ATR: variants seen among roughly 807,000 people sequenced by gnomAD.
ATR encodes the protein ATR checkpoint kinase.
Under a neutral mutation model 305.3 loss-of-function variants are expected in ATR, and 142 were observed. The ratio of observed to expected loss-of-function variants is 0.47; its 90% confidence interval spans 0.41 to 0.53. The LOEUF (loss-of-function observed/expected upper bound fraction) is 0.53, where lower values mean the gene tolerates loss of function less well. Ranked by LOEUF, ATR falls within the 20% of genes least tolerant of loss-of-function variation. The pLI, the probability that ATR is intolerant of heterozygous loss-of-function variation, is 0.00. For missense variants in ATR, 2,135 were observed against 3,133.1 expected, an observed-to-expected ratio of 0.68 and a Z score of 7.60; for synonymous variants, 1,050 against 1,068.1, an observed-to-expected ratio of 0.98 and a Z score of 0.33.
At chr3:142,483,817 A>G (rs1237698798) in intron 36 of ATR, among the ~76,000 whole-genome samples, 2 of 152,066 alleles carry the variant, frequency 1.3e-5, no homozygotes, top group Non-Finnish European at 2.9e-5. Flanking sequence ...TGGGCGACAG[A>G]GCAAGACTCT....
At position 142,470,120 on chromosome 3, in the gene ATR, A is replaced by G; in HGVS notation, c.6285T>C (p.Leu2095=). The part of the protein sequence containing the change: ...QSMPRMLTLW[L]DYGTKAYEWE... ...ATTCATATGCCTTTGTACCATAATC[A>G]AGCCATAGAGTTAACATTCGTGGCA... Residue 2095 remains leucine, a synonymous_variant, in exon 37 of 47, where the codon CTT becomes CTC. Transcript: ENST00000350721. 1 of 1,611,228 alleles carries G rather than the reference A, an allele frequency of 6.2e-7. No individual in the cohort carries two copies. The highest frequency in any genetic ancestry group is 8.5e-7 in the Non-Finnish European group (1 of 1,178,242).
intron 46 of ATR, chr3:142,452,886 C>G: frequency 1.5e-6 from 2 of 1,352,300 alleles, no homozygotes; most frequent in Non-Finnish European, 1.9e-6. Flanking sequence ...TGTGAATTGT[C>G]TATGGTTAAA....
At chr3:142,498,885 C>CTT (rs35623314) in intron 31 of ATR, 111 bp from the exon 32 acceptor site, 566 of 838,458 alleles carry the variant, frequency 6.8e-4, no homozygotes, top group Non-Finnish European at 8.1e-4. Context: ...GGCTTCATTC[C>CTT]TTTTTTTTTT....
At chr3:142,548,442 G>GTGGA (rs2034349851) in intron 15 of ATR, among the ~76,000 whole-genome samples, 1 of 152,168 alleles carries the variant, frequency 6.6e-6, no homozygotes. Context: ...GCCAAGGCAG[G>GTGGA]TGGATCACTT....
chr3:142,570,602 A>G (rs144564619), intron 1 of ATR, among the ~76,000 whole-genome samples: 2,727 of 152,200 alleles, frequency 0.018, 29 homozygotes, highest in South Asian at 0.041. Context: ...TGGTCAGGCT[A>G]GTCTGGAACT....
In ATR at chr3:142,535,060, A is replaced by G. The variant is rs1314575356; in HGVS notation, c.3945+20T>C. ...AATCTTTCTTTGTTATACATTTTTAATTATATCATATTAGCATACCTGATT... is the reference window on the plus strand; with the variant it reads ...AATCTTTCTTTGTTATACATTTTTAGTTATATCATATTAGCATACCTGATT... On this transcript the variant is annotated intron_variant, in intron 21 of 46. Transcript: ENST00000350721. 6.3e-7 allele frequency: 1 copy of G among 1,596,556 alleles called. No homozygotes were observed. Among genetic ancestry groups the G allele is most frequent in the Middle Eastern group, 1.8e-4 (1 of 5,586 alleles).
chr3:142,562,849 G>A lies in ATR; in HGVS notation c.553C>T (p.His185Tyr), dbSNP rs2108488280. The A allele has an allele frequency of 6.2e-7, 1 of 1,609,252 alleles. No individual in the cohort carries two copies. Among genetic ancestry groups the A allele is most frequent in the Non-Finnish European group, 8.5e-7 (1 of 1,178,490 alleles). ...GGAGCTGATTGTAAATATCCCATGT[G>A]TTCATCTAATTGACTTAAAAATCGG... ...MSRFLSQLDE[H>Y]MGYLQSAPLQ... The change falls in exon 4 of 47, where the codon CAC becomes TAC. Residue 185 changes from histidine to tyrosine, a missense_variant. By Grantham distance (83) the His-to-Tyr change is moderately conservative. Transcript: ENST00000350721.
intron 20 of ATR, 119 bp downstream of exon 20, chr3:142,535,989 T>C (rs1241241563): frequency 2.8e-6 from 2 of 723,188 alleles, no homozygotes; most frequent in Non-Finnish European, 2.4e-6. Flanking sequence ...GAATTAGCTA[T>C]CAGAATAGGA....
At chr3:142,554,037 TACC>T in intron 10 of ATR, 22 bp from the exon 11 acceptor site, 1 of 1,553,030 alleles carries the variant, frequency 6.4e-7, no homozygotes. Context: ...GAGTATACAA[TACC>T]TAATTTAACA....
chr3:142,535,134 G>T lies in ATR; in HGVS notation c.3891C>A (p.Val1297=). The part of the protein sequence containing the change: ...LSMKAIQHEN[V]DVRIHALTSL... ...TTGTAAGAGCATGAATACGAACATC[G>T]ACATTTTCATGTTGAATGGCCTTCA... Residue 1297 remains valine (V), a synonymous_variant, in exon 21 of 47, where the codon GTC becomes GTA. Transcript: ENST00000350721. The T allele has an allele frequency of 6.2e-7, 1 of 1,612,888 alleles. No homozygotes were observed. The highest frequency in any genetic ancestry group is 1.1e-5 in the South Asian group (1 of 91,038).
At chr3:142,453,005 C>A in intron 46 of ATR, 123 bp downstream of exon 46, 1 of 1,541,190 alleles carries the variant, frequency 6.5e-7, no homozygotes, top group Non-Finnish European at 8.7e-7. Context: ...TCAGAGTAAT[C>A]AATAGTCACT....
At chr3:142,542,341 C>A (rs993283414) in intron 17 of ATR, among the ~76,000 whole-genome samples, 123 of 152,182 alleles carry the variant, frequency 8.1e-4, no homozygotes, top group African/African-American at 2.8e-3. Context: ...CCAGATGAAT[C>A]TGAGCCAAAA....
rs1310182189 is a variant in ATR, at chr3:142,559,142, ACTT to A, written c.1732+106_1732+108del. On this transcript the variant is annotated intron_variant, in intron 7 of 46. Transcript: ENST00000350721. ...TTAATAGAACTGAAATCAGGAAAAA[ACTT>A]CTGAGTATTCCAAACACGCACTTAG... The A allele has an allele frequency of 3.3e-6, 4 of 1,202,576 alleles. No individual in the cohort carries two copies. The African/African-American group carries it at 6.2e-5, about 19-fold the overall frequency. 74.5% of individuals were successfully genotyped at this position (1,202,576 alleles called of 1,614,324 possible).
chr3:142,465,331 A>C, intron 40 of ATR, 91 bp from the exon 41 acceptor site: 4 of 1,012,086 alleles, frequency 4.0e-6, no homozygotes, highest in Non-Finnish European at 5.7e-6. Context: ...TAAAAAAAAA[A>C]AAAGAATATT....
At position 142,553,505 on chromosome 3, in the gene ATR, T is replaced by C. The variant is rs548269596; in HGVS notation, c.2634-107A>G. The C allele has an allele frequency of 4.8e-4, 704 of 1,458,756 alleles. 2 individuals carry two copies. Among genetic ancestry groups the C allele is most frequent in the Non-Finnish European group, 6.5e-4 (682 of 1,055,302 alleles). 90.4% of individuals were successfully genotyped at this position (1,458,756 alleles called of 1,614,324 possible). A position where few individuals can be genotyped will look rare whatever the true frequency, so the allele number is the denominator to read the frequency against. ...AATATCCCAGAAACAAACGGAAATCTACAAATAAATTCATGTTGACTCACA... is the reference window on the plus strand; with the variant it reads ...AATATCCCAGAAACAAACGGAAATCCACAAATAAATTCATGTTGACTCACA... On this transcript the variant is annotated intron_variant, in intron 12 of 46. Transcript: ENST00000350721.
At chr3:142,570,329 G>A (rs1375637629) in intron 1 of ATR, among the ~76,000 whole-genome samples, 2 of 152,120 alleles carry the variant, frequency 1.3e-5, no homozygotes, top group Non-Finnish European at 2.9e-5. Context: ...TCATATCAAA[G>A]AAATCATTGC....
At position 142,498,748 on chromosome 3, in the gene ATR, T is replaced by C. The variant is rs1312287969; in HGVS notation, c.5407A>G (p.Arg1803Gly). The C allele has an allele frequency of 1.9e-6, 3 of 1,614,028 alleles. No homozygotes were observed. The highest frequency in any genetic ancestry group is 2.5e-6 in the Non-Finnish European group (3 of 1,180,016). ...ADGKSTTWSV[R>G]LGQLLLSAKK... is the part of the protein sequence containing the mutation. ...GCTGATAATAATAGCTGTCCCAGTC[T>C]GACACTCCATGTTGTAGATTTTCCA... is the stretch of plus-strand genomic sequence containing the variant. Residue 1803 changes from arginine to glycine, a missense_variant, in exon 32 of 47, where the codon AGA becomes GGA. By Grantham distance (125) the Arg-to-Gly change is moderately radical. Transcript: ENST00000350721.
intron 34 of ATR, among the ~76,000 whole-genome samples, chr3:142,495,164 T>C (rs2031510491): frequency 6.6e-6 from 1 of 152,092 alleles, no homozygotes. Context: ...AGGTAATAAA[T>C]TGCATTTTGA....
chr3:142,475,512 G>C (rs1017589122), intron 36 of ATR, among the ~76,000 whole-genome samples: 3 of 152,124 alleles, frequency 2.0e-5, no homozygotes, highest in South Asian at 2.1e-4. Context: ...GGACATTTGG[G>C]TTGGTTCCAA....
Sources: allele counts gnomAD v4.1 joint callset (sites outside exome capture counted in the v4.1 genomes callset), GRCh38; gene constraint gnomAD v4.1.1; transcripts MANE v1.5; gene names NCBI Gene and HGNC (gene_info 2026-07-23, HGNC 2026-07-21).